The following DNAH9 variants were observed in gnomAD, a reference collection of about 807,000 sequenced individuals.
The protein encoded by DNAH9 is DNAH9 variant protein.
In DNAH9, 345 loss-of-function variants were observed where a neutral mutation model predicts 471.6. The ratio of observed to expected loss-of-function variants is 0.73; its 90% CI spans 0.67 to 0.80. DNAH9 has a LOEUF of 0.80. Ranked by LOEUF, DNAH9 falls within the 30% of genes least tolerant of loss-of-function variation. DNAH9 has a pLI of 0.00. For synonymous variants in DNAH9, 2,093 were observed against 2,123.6 expected (o/e 0.99, Z 0.40); for missense variants, 5,407 against 5,609.2 (o/e 0.96, Z 1.15).
chr17:11,968,887 T>C (rs1000372148), intron 68 of DNAH9, among the ~76,000 whole-genome samples: 3 of 152,088 alleles, frequency 2.0e-5, no homozygotes, highest in Admixed American at 1.3e-4. Flanking sequence ...AAACAGGACA[T>C]AACAAAAGCT....
At chr17:11,906,683 A>G (rs1303211182) in intron 61 of DNAH9, among the ~76,000 whole-genome samples, 1 of 152,058 alleles carries the variant, frequency 6.6e-6, no homozygotes, top group Non-Finnish European at 1.5e-5. Flanking sequence ...AATACTATGC[A>G]GCCATAAAAA....
intron 62 of DNAH9, among the ~76,000 whole-genome samples, chr17:11,926,020 C>T (rs956089274): frequency 1.0e-5 from 1 of 98,994 alleles, no homozygotes; most frequent in Admixed American, 1.8e-4. Context: ...AGCCTGTAAA[C>T]CTGAGAGATT....
At chr17:11,906,952 A>T (rs373517296) in intron 61 of DNAH9, among the ~76,000 whole-genome samples, 10 of 152,302 alleles carry the variant, frequency 6.6e-5, no homozygotes, top group Admixed American at 2.0e-4. Context: ...CTATGCAGCA[A>T]ACCACCATGG....
In DNAH9 at chr17:11,906,871, G is replaced by A. The variant is rs554593859; in HGVS notation, c.11749+1062G>A. On this transcript the variant is annotated intron_variant, in intron 61 of 68. Coordinates refer to ENST00000262442, the MANE Select transcript of DNAH9 (RefSeq NM_001372.4). ...ACACACACTGGGGCCTATTGAGGGG[G>A]TGGCAGAGGAAGAGCATCAGGAGGA... Among the ~76,000 whole-genome samples the A allele has an allele frequency of 2.0e-5, 3 of 152,188 alleles. No individual in the cohort carries two copies. In the South Asian group the frequency reaches 6.2e-4, roughly 32 times the overall value.
Position 11,937,642 on chromosome 17 carries a change from C to A in DNAH9, c.12660+120C>A. On this transcript the variant is annotated intron_variant, in intron 66 of 68. Coordinates refer to ENST00000262442, the MANE Select transcript of DNAH9 (RefSeq NM_001372.4). The surrounding 1 kb of genome is among the most constrained non-coding windows in gnomAD (Gnocchi z 4.1). Reference sequence around the variant, plus strand: ...GCATAGACAACACACAAAGCACCAACCACCTGCAGCCTGGAGATGCTTGCC... The same window carrying A: ...GCATAGACAACACACAAAGCACCAAACACCTGCAGCCTGGAGATGCTTGCC... 1 of 1,095,524 alleles carries A rather than the reference C, an allele frequency of 9.1e-7. No individual in the cohort carries two copies. Among genetic ancestry groups the A allele is most frequent in the Non-Finnish European group, 1.2e-6 (1 of 814,348 alleles). 67.9% of individuals were successfully genotyped at this position (1,095,524 alleles called of 1,614,324 possible). A position where few individuals can be genotyped will look rare whatever the true frequency, so the allele number is the denominator to read the frequency against.
chr17:11,598,958 G>A (rs909797731), intron 1 of DNAH9, 43 bp downstream of exon 1: 1 of 1,423,368 alleles, frequency 7.0e-7, no homozygotes, highest in Non-Finnish European at 9.2e-7. Flanking sequence ...AGCTGGGTGG[G>A]GGAGGGGAGG....
Position 11,690,292 on chromosome 17 carries a change from C to T in DNAH9, c.4470C>T (p.Phe1490=). The T allele has an allele frequency of 6.2e-7, 1 of 1,614,170 alleles. No individual in the cohort carries two copies. The highest frequency in any genetic ancestry group is 8.5e-7 in the Non-Finnish European group (1 of 1,180,026). The change falls in exon 20 of 69, where the codon TTC becomes TTT. Residue 1490 remains phenylalanine, a synonymous_variant. Transcript: ENST00000262442. ...TGGTGATGTCCAAGTATGTTGCTTT[C>T]TTCTTGGAGGAGGTGTCGGGCTGGC... is the stretch of plus-strand genomic sequence containing the variant. ...QNLVMSKYVA[F]FLEEVSGWQK... is the part of the protein sequence containing the mutation.
intron 45 of DNAH9, among the ~76,000 whole-genome samples, chr17:11,812,041 A>G (rs1293823454): frequency 5.2e-5 from 4 of 76,410 alleles, no homozygotes; most frequent in Non-Finnish European, 1.1e-4. Flanking sequence ...ATATATATAT[A>G]TATATATATA....
intron 1 of DNAH9, among the ~76,000 whole-genome samples, chr17:11,605,584 G>A (rs907509318): frequency 1.5e-4 from 23 of 151,908 alleles, no homozygotes; most frequent in African/African-American, 3.9e-4. Context: ...CTGCAGACTC[G>A]ACCTCCCTGG....
intron 45 of DNAH9, among the ~76,000 whole-genome samples, chr17:11,812,705 TC>T (rs1969969883): frequency 6.6e-6 from 1 of 152,168 alleles, no homozygotes; most frequent in South Asian, 2.1e-4. Context: ...CCTGCCCTGT[TC>T]AAGTTAGCTT....
chr17:11,655,668 G>T, intron 14 of DNAH9, among the ~76,000 whole-genome samples: 1 of 148,802 alleles, frequency 6.7e-6, no homozygotes, highest in Non-Finnish European at 1.5e-5. Flanking sequence ...ACACACCATG[G>T]AATGCTACTC....
At chr17:11,920,091 C>T (rs999710563) in intron 61 of DNAH9, among the ~76,000 whole-genome samples, 51 of 148,204 alleles carry the variant, frequency 3.4e-4, no homozygotes, top group African/African-American at 1.2e-3. Context: ...CTGGAGTGTG[C>T]AATGGCACAA....
In DNAH9 at chr17:11,942,369, G is replaced by T. The variant is rs1354067152; in HGVS notation, c.12727G>T (p.Ala4243Ser). ...TDEFNIPELM[A>S]KVEERTPYIV... The stretch of plus-strand genomic sequence containing the variant: ...CGAGTTTAACATCCCAGAACTGATG[G>T]CCAAAGTGGAGGAGCGCACCCCTTA... The change falls in exon 67 of 69, where the codon GCC becomes TCC. Residue 4243 changes from alanine (A) to serine (S), a missense_variant. Ala to Ser is a moderately conservative substitution (Grantham distance 99). Around this residue, in one of 3 missense-constraint regions of DNAH9, gnomAD observed 4,636 missense variants for 4,900.3 expected, o/e 0.95. Transcript: ENST00000262442. 1 of 1,614,196 alleles carries T rather than the reference G, an allele frequency of 6.2e-7. No homozygotes were observed. The highest frequency in any genetic ancestry group is 1.1e-5 in the South Asian group (1 of 91,086).
At chr17:11,859,185 G>A (rs139969035) in intron 50 of DNAH9, among the ~76,000 whole-genome samples, 2,222 of 151,800 alleles carry the variant, frequency 0.015, 72 homozygotes, top group African/African-American at 0.051. Context: ...GGCTGAGACA[G>A]GTGTATCACC....
At chr17:11,891,553 C>T (rs569381910) in intron 57 of DNAH9, among the ~76,000 whole-genome samples, 1 of 152,210 alleles carries the variant, frequency 6.6e-6, no homozygotes, top group African/African-American at 2.4e-5. Context: ...TTAGTAGAAA[C>T]AGCGTTTCAC....
chr17:11,928,337 G>A (rs1974398185), intron 62 of DNAH9, among the ~76,000 whole-genome samples: 3 of 152,086 alleles, frequency 2.0e-5, no homozygotes, highest in Non-Finnish European at 1.5e-5. Flanking sequence ...TATAGCAAAC[G>A]TTATTGTTAT....
chr17:11,619,680 A>G lies in DNAH9; in HGVS notation c.1249A>G (p.Thr417Ala). 1 of 1,613,938 alleles carries G rather than the reference A, an allele frequency of 6.2e-7. No homozygotes were observed. The highest frequency in any genetic ancestry group is 1.7e-5 in the Admixed American group (1 of 60,022). The change falls in exon 6 of 69, where the codon ACT becomes GCT. Residue 417 changes from threonine (T) to alanine (A), a missense_variant. Transcript: ENST00000262442. ...EFQDRRENLHTYFKENQEVKE... is the reference protein window; with the variant it reads ...EFQDRRENLHAYFKENQEVKE... ...TCAGGACAGAAGGGAGAATCTCCAC[A>G]CTTACTTCAAAGAGAACCAGGAAGT... is the stretch of plus-strand genomic sequence containing the variant.
chr17:11,817,266 T>G (rs1013884333), intron 45 of DNAH9, among the ~76,000 whole-genome samples: 1 of 152,154 alleles, frequency 6.6e-6, no homozygotes, highest in Admixed American at 6.5e-5. Flanking sequence ...AAATGCAAAT[T>G]TTGTTCCCTA....
intron 41 of DNAH9, among the ~76,000 whole-genome samples, chr17:11,791,612 G>A (rs1969065109): frequency 6.6e-6 from 1 of 152,154 alleles, no homozygotes; most frequent in Admixed American, 6.5e-5. Flanking sequence ...TCAGGAGGCT[G>A]AGGCACGAGA....
Sources: gnomAD v4.1 joint callset for allele counts (sites outside exome capture counted in the v4.1 genomes callset) on GRCh38, gnomAD v4.1.1 for gene constraint, gnomAD v4.1.1 regional missense constraint, Gnocchi (gnomAD v3.1) non-coding constraint, MANE v1.5 for transcripts, NCBI Gene and HGNC (gene_info 2026-07-23, HGNC 2026-07-21) for gene names.